DMD: variants seen among roughly 807,000 people sequenced by gnomAD.
The protein encoded by DMD is dystrophin.
Under a neutral mutation model 330.1 loss-of-function variants are expected in DMD, and 63 were observed. The ratio of observed to expected loss-of-function variants is 0.19; its 90% CI spans 0.16 to 0.24. DMD has a LOEUF of 0.24. Among genes scored for constraint, DMD ranks in the 10% least tolerant of loss-of-function variants. DMD has a pLI of 1.00. For missense variants in DMD, 3,344 were observed against 2,684.1 expected (o/e 1.25, Z -5.43); for synonymous variants, 1,223 against 959.8 (o/e 1.27, Z -5.07).
intron 1 of DMD, among the ~76,000 whole-genome samples, chrX:33,097,023 T>C (rs2095175546): frequency 9.0e-6 from 1 of 111,582 alleles, no homozygotes. Context: ...TATAAGAAAT[T>C]ATCGAGTTTG....
At chrX:31,672,978 T>C (rs2081889474) in intron 53 of DMD, among the ~76,000 whole-genome samples, 1 of 112,507 alleles carries the variant, frequency 8.9e-6, no homozygotes, top group African/African-American at 3.2e-5. Context: ...GCTAGGGCTT[T>C]TCCTAGAAAG....
At chrX:32,742,056 C>G (rs1369894725) in intron 7 of DMD, among the ~76,000 whole-genome samples, 1 of 111,542 alleles carries the variant, frequency 9.0e-6, no homozygotes, top group Non-Finnish European at 1.9e-5. Context: ...TCAATCCCAA[C>G]TAATGACCTG....
At chrX:32,316,708 T>C (rs1448148746) in intron 41 of DMD, among the ~76,000 whole-genome samples, 1 of 111,539 alleles carries the variant, frequency 9.0e-6, no homozygotes, top group African/African-American at 3.2e-5. Context: ...ATCTGATATA[T>C]ACAATAATGT....
At chrX:33,026,313 C>CAAAAAAAAAAAAAAAAAAAAAA (rs56794668) in intron 1 of DMD, among the ~76,000 whole-genome samples, 2 of 32,779 alleles carry the variant, frequency 6.1e-5, no homozygotes, top group Non-Finnish European at 5.3e-5. Context: ...GACTCCGTCT[C>CAAAAAAAAAAAAAAAAAAAAAA]AAAAAAAAAA....
At chrX:32,051,182 A>G (rs1014268255) in intron 44 of DMD, among the ~76,000 whole-genome samples, 1 of 109,604 alleles carries the variant, frequency 9.1e-6, no homozygotes, top group African/African-American at 3.3e-5. Context: ...ATTTTCTAAC[A>G]TAAAGTATAG....
intron 55 of DMD, among the ~76,000 whole-genome samples, chrX:31,549,667 C>A (rs1049123932): frequency 1.2e-4 from 14 of 112,270 alleles, no homozygotes; most frequent in African/African-American, 4.2e-4. Context: ...CTCTGAATAT[C>A]CTATGTTGTC....
intron 55 of DMD, among the ~76,000 whole-genome samples, chrX:31,608,993 T>C (rs1430921619): frequency 5.3e-5 from 6 of 112,284 alleles, no homozygotes; most frequent in Non-Finnish European, 3.8e-5. Flanking sequence ...ATGACAATGA[T>C]GTGTACTTAC....
At chrX:33,307,443 G>A (rs1454713935) in intron 1 of DMD, among the ~76,000 whole-genome samples, 3 of 112,513 alleles carry the variant, frequency 2.7e-5, no homozygotes, top group Non-Finnish European at 5.6e-5. Flanking sequence ...TGTAATCCCA[G>A]AACTTTGGGA....
At chrX:32,569,018 G>A (rs1350721207) in intron 15 of DMD, among the ~76,000 whole-genome samples, 1 of 112,014 alleles carries the variant, frequency 8.9e-6, no homozygotes, top group Non-Finnish European at 1.9e-5. Flanking sequence ...AAATTCAGGT[G>A]GCAAAAGGAA....
chrX:31,729,343 G>A (rs915588006), intron 52 of DMD, among the ~76,000 whole-genome samples: 3 of 111,251 alleles, frequency 2.7e-5, no homozygotes, highest in Non-Finnish European at 5.7e-5. Flanking sequence ...AAGAACAAAT[G>A]TTCTGCCACA....
intron 29 of DMD, among the ~76,000 whole-genome samples, chrX:32,426,549 G>C (rs1260763603): frequency 9.0e-6 from 1 of 111,502 alleles, no homozygotes; most frequent in Non-Finnish European, 1.9e-5. Flanking sequence ...AATTAGTTGA[G>C]CCCTTGTGGA....
Position 31,939,354 on chromosome X carries a change from A to G in DMD, c.6615-7127T>C, listed in dbSNP as rs757922570. Among the ~76,000 whole-genome samples the G allele has an allele frequency of 4.5e-5, 5 of 112,168 alleles. No individual in the cohort carries two copies. The South Asian group carries it at 1.8e-3, about 41-fold the overall frequency. On this transcript the variant is annotated intron_variant, in intron 45 of 78. Transcript: ENST00000357033. ...ATGAAGTGCTCCTGAGGGGGATAAT[A>G]TATCAAGATTTCTCAGTCATTTATG...
chrX:33,233,795 CAT>C (rs201959478), intron 1 of DMD, among the ~76,000 whole-genome samples: 391 of 111,612 alleles, frequency 3.5e-3, no homozygotes, highest in African/African-American at 0.012. Context: ...TATACACACA[CAT>C]GAGTATAGGT....
At chrX:32,957,769 A>G (rs990775572) in intron 2 of DMD, among the ~76,000 whole-genome samples, 5 of 111,879 alleles carry the variant, frequency 4.5e-5, no homozygotes, top group African/African-American at 1.6e-4. Flanking sequence ...TCAGCAGCCA[A>G]AGGTAAAAAT....
chrX:33,057,541 A>G (rs779342749), intron 1 of DMD, among the ~76,000 whole-genome samples: 3 of 112,432 alleles, frequency 2.7e-5, no homozygotes, highest in East Asian at 5.6e-4. Context: ...ACGCATGCAT[A>G]GAAAACTAGG....
intron 1 of DMD, among the ~76,000 whole-genome samples, chrX:33,267,143 G>T (rs998789765): frequency 4.5e-5 from 5 of 111,079 alleles, no homozygotes; most frequent in African/African-American, 1.6e-4. Flanking sequence ...TTTTAACGAG[G>T]TTTCAAGATA....
At chrX:31,589,535 G>A in intron 55 of DMD, among the ~76,000 whole-genome samples, 1 of 111,370 alleles carries the variant, frequency 9.0e-6, no homozygotes, top group South Asian at 3.7e-4. Flanking sequence ...AACTCTGAAG[G>A]CATTTTCCAT....
At chrX:33,110,119 A>G (rs1226909924) in intron 1 of DMD, among the ~76,000 whole-genome samples, 1 of 111,191 alleles carries the variant, frequency 9.0e-6, no homozygotes, top group Non-Finnish European at 1.9e-5. Context: ...TAGAGAAACA[A>G]TCACGTGTGC....
chrX:31,502,851 T>C (rs1371235381), intron 56 of DMD, among the ~76,000 whole-genome samples: 3 of 112,063 alleles, frequency 2.7e-5, no homozygotes, highest in Non-Finnish European at 3.8e-5. Context: ...TATGGAATTT[T>C]AGAATGAAAA....
Sources: allele counts gnomAD v4.1 joint callset (sites outside exome capture counted in the v4.1 genomes callset), GRCh38; gene constraint gnomAD v4.1.1; transcripts MANE v1.5; gene names NCBI Gene and HGNC (gene_info 2026-07-23, HGNC 2026-07-21).